Variants in CREB5 observed in about 807,000 individuals in gnomAD.
CREB5 encodes cAMP responsive element binding protein 5.
Under a neutral mutation model 57.1 loss-of-function variants are expected in CREB5, and 19 were observed. That is an observed-to-expected ratio of 0.33 (90% CI 0.23 to 0.49). The LOEUF (loss-of-function observed/expected upper bound fraction) is 0.49, where lower values mean the gene tolerates loss of function less well. CREB5 is among the 20% of genes least tolerant of loss of function. The pLI, the probability that CREB5 is intolerant of heterozygous loss-of-function variation, is 0.99. For missense variants in CREB5, 579 were observed against 671.6 expected (o/e 0.86, Z 1.52); for synonymous variants, 238 against 238.3 (o/e 1.00, Z 0.01).
chr7:28,378,176 C>T (rs1786882670), intron 1 of CREB5, among the ~76,000 whole-genome samples: 1 of 152,050 alleles, frequency 6.6e-6, no homozygotes, highest in South Asian at 2.1e-4. Context: ...AATTTTACAG[C>T]TATGGGCATT....
intron 5 of CREB5, among the ~76,000 whole-genome samples, chr7:28,601,816 A>G (rs13233942): frequency 0.21 from 31,363 of 152,120 alleles, 3,889 homozygotes; most frequent in East Asian, 0.42. Flanking sequence ...GAAAAAATAG[A>G]TACATTTTAA....
chr7:28,405,381 T>C (rs938522501), intron 1 of CREB5, among the ~76,000 whole-genome samples: 1 of 152,188 alleles, frequency 6.6e-6, no homozygotes, highest in Non-Finnish European at 1.5e-5. Context: ...TAGGGATATG[T>C]TCATCTTTTT....
At chr7:28,667,066 G>C (rs2240483) in intron 5 of CREB5, among the ~76,000 whole-genome samples, 13 of 151,746 alleles carry the variant, frequency 8.6e-5, no homozygotes, top group Non-Finnish European at 1.6e-4. Flanking sequence ...TTTGTGAAGA[G>C]TGAAACGAGG....
At chr7:28,453,159 C>T (rs1030565663) in intron 1 of CREB5, among the ~76,000 whole-genome samples, 6 of 152,190 alleles carry the variant, frequency 3.9e-5, no homozygotes, top group Middle Eastern at 3.4e-3. Flanking sequence ...ATTTATTGGC[C>T]GGGCGTGGTG....
At chr7:28,723,886 ATT>A (rs975059681) in intron 6 of CREB5, among the ~76,000 whole-genome samples, 1 of 152,186 alleles carries the variant, frequency 6.6e-6, no homozygotes, top group African/African-American at 2.4e-5. Flanking sequence ...TGGATATATT[ATT>A]CTTTACAGCC....
chr7:28,817,129 A>G (rs933741176), intron 9 of CREB5, among the ~76,000 whole-genome samples: 1 of 152,200 alleles, frequency 6.6e-6, no homozygotes, highest in Non-Finnish European at 1.5e-5. Context: ...CATCCACAAT[A>G]TCCTGATATT....
intron 4 of CREB5, among the ~76,000 whole-genome samples, chr7:28,558,402 C>T (rs1457612440): frequency 2.0e-5 from 3 of 152,168 alleles, no homozygotes; most frequent in African/African-American, 7.2e-5. Flanking sequence ...CAATGCAAGG[C>T]CATTCATGAA....
At chr7:28,551,171 GAA>G (rs5883148) in intron 4 of CREB5, among the ~76,000 whole-genome samples, 98,886 of 149,438 alleles carry the variant, frequency 0.66, 34,175 homozygotes, top group East Asian at 0.85. Context: ...CTTGGGATAG[GAA>G]AAAAAAAAAA....
intron 1 of CREB5, among the ~76,000 whole-genome samples, chr7:28,402,056 C>T (rs367959631): frequency 6.6e-6 from 1 of 152,236 alleles, no homozygotes; most frequent in Admixed American, 6.5e-5. Flanking sequence ...TATTTCTCCA[C>T]ATCCTCTCCA....
intron 5 of CREB5, among the ~76,000 whole-genome samples, chr7:28,659,096 C>T (rs1583493662): frequency 6.6e-6 from 1 of 151,406 alleles, no homozygotes; most frequent in African/African-American, 2.4e-5. Context: ...CTGACTCATT[C>T]CTTTCACAAA....
Position 28,822,043 on chromosome 7 carries a change from G to A in CREB5, c.*2764G>A, listed in dbSNP as rs757403758. 9 of 152,586 alleles carry A rather than the reference G, an allele frequency of 5.9e-5. No homozygotes were observed. Among genetic ancestry groups the A allele is most frequent in the East Asian group, 3.9e-4 (2 of 5,188 alleles). The allele number at this position is 152,586 out of a possible 1,614,324, so 9.5% of individuals were successfully genotyped here. A position where few individuals can be genotyped will look rare whatever the true frequency, so the allele number is the denominator to read the frequency against. ...TTAAGAACTTGCCTGAGTTTTCTTC[G>A]TTCAGCAACTTGACAGTTTGACTGA... On this transcript the variant is annotated 3_prime_UTR_variant, in exon 11 of 11. Coordinates refer to ENST00000357727, the MANE Select transcript of CREB5 (RefSeq NM_182898.4).
intron 5 of CREB5, among the ~76,000 whole-genome samples, chr7:28,658,767 G>A (rs147981191): frequency 9.5e-4 from 145 of 151,948 alleles, no homozygotes; most frequent in Non-Finnish European, 1.8e-3. Context: ...GGAGGATAAG[G>A]AAAGGGCTGA....
intron 5 of CREB5, among the ~76,000 whole-genome samples, chr7:28,634,310 A>G (rs894348667): frequency 6.6e-6 from 1 of 152,260 alleles, no homozygotes; most frequent in African/African-American, 2.4e-5. Context: ...CCAGTTGAAC[A>G]GATTAATGCA....
intron 7 of CREB5, among the ~76,000 whole-genome samples, chr7:28,761,930 G>C (rs1487296750): frequency 6.6e-6 from 1 of 151,934 alleles, no homozygotes; most frequent in Non-Finnish European, 1.5e-5. Context: ...TTTTAGAAAT[G>C]AGTTCGCAAC....
At chr7:28,491,273 C>G in intron 2 of CREB5, 1 of 984,786 alleles carries the variant, frequency 1.0e-6, no homozygotes, top group Non-Finnish European at 1.2e-6. Flanking sequence ...GGTGAGCATG[C>G]TGGTTTACAC....
At chr7:28,335,807 T>C (rs950012434) in intron 1 of CREB5, among the ~76,000 whole-genome samples, 3 of 152,148 alleles carry the variant, frequency 2.0e-5, no homozygotes, top group African/African-American at 7.2e-5. Flanking sequence ...CTTTCAATTT[T>C]TCCTCATTCA....
intron 7 of CREB5, among the ~76,000 whole-genome samples, chr7:28,755,396 G>A (rs964406045): frequency 6.6e-6 from 1 of 152,294 alleles, no homozygotes; most frequent in South Asian, 2.1e-4. Context: ...CCTGTTCAGG[G>A]ATCATCAGTA....
In CREB5 at chr7:28,430,237, G is replaced by T. The variant is rs79172404; in HGVS notation, c.3+17320G>T. On this transcript the variant is annotated intron_variant, in intron 1 of 10. Coordinates refer to ENST00000357727, the MANE Select transcript of CREB5 (RefSeq NM_182898.4). ...GTTTGTTGGGGAATTCATGAAAGAG[G>T]CCCCATCTTTATAGTTAACATTGCT... 3.7e-3 allele frequency among the ~76,000 whole-genome samples: 563 copies of T among 152,246 alleles called. 3 individuals are homozygous for T. Among genetic ancestry groups the T allele is most frequent in the African/African-American group, 0.012 (489 of 41,532 alleles).
chr7:28,312,408 C>T (rs886283412), intron 1 of CREB5, among the ~76,000 whole-genome samples: 1 of 152,126 alleles, frequency 6.6e-6, no homozygotes, highest in Non-Finnish European at 1.5e-5. Flanking sequence ...GGTGGAGCTG[C>T]AAGGAATGCT....
Sources: gnomAD v4.1 joint callset for allele counts (sites outside exome capture counted in the v4.1 genomes callset) on GRCh38, gnomAD v4.1.1 for gene constraint, MANE v1.5 for transcripts, NCBI Gene and HGNC (gene_info 2026-07-23, HGNC 2026-07-21) for gene names.